MIPEP: variants seen among roughly 807,000 people sequenced by gnomAD.
MIPEP encodes mitochondrial intermediate peptidase.
In MIPEP, 79 loss-of-function variants were observed where a neutral mutation model predicts 90.3. The observed-to-expected ratio is 0.87, with a 90% CI of 0.73 to 1.05. MIPEP has a LOEUF of 1.05. Among genes scored for constraint, MIPEP ranks in the 50% least tolerant of loss-of-function variants. The probability of loss-of-function intolerance (pLI) is 0.00; values close to 1 mark genes in which losing one functional copy is unlikely to be tolerated. For synonymous variants in MIPEP, 334 were observed against 315.8 expected (o/e 1.06, Z -0.61); for missense variants, 940 against 905.6 (o/e 1.04, Z -0.49).
At chr13:23,875,614 G>T (rs926978965) in intron 4 of MIPEP, among the ~76,000 whole-genome samples, 1 of 146,198 alleles carries the variant, frequency 6.8e-6, no homozygotes. Context: ...CTACTCTTTT[G>T]GCTTTCCTTG....
At chr13:23,790,941 C>T (rs1028737037) in intron 16 of MIPEP, among the ~76,000 whole-genome samples, 2 of 152,152 alleles carry the variant, frequency 1.3e-5, no homozygotes, top group African/African-American at 2.4e-5. Context: ...CAATCTAGGC[C>T]TTGCCATTAC....
chr13:23,840,954 T>C (rs913438585), intron 11 of MIPEP, among the ~76,000 whole-genome samples: 2 of 151,976 alleles, frequency 1.3e-5, no homozygotes, highest in Non-Finnish European at 2.9e-5. Flanking sequence ...CAACATGGGA[T>C]GGGGGTTGGA....
intron 14 of MIPEP, among the ~76,000 whole-genome samples, chr13:23,827,612 CAAAGA>C (rs1401774720): frequency 6.6e-6 from 1 of 152,146 alleles, no homozygotes; most frequent in Non-Finnish European, 1.5e-5. Context: ...CAAATAATGA[CAAAGA>C]AAAATCATAA....
chr13:23,816,760 G>A (rs887694025), intron 14 of MIPEP, among the ~76,000 whole-genome samples: 4 of 152,112 alleles, frequency 2.6e-5, no homozygotes, highest in Non-Finnish European at 4.4e-5. Context: ...CCTACAACAC[G>A]GAGGAAGCCT....
At chr13:23,795,827 C>A (rs1304947100) in intron 16 of MIPEP, among the ~76,000 whole-genome samples, 97 of 133,508 alleles carry the variant, frequency 7.3e-4, no homozygotes, top group South Asian at 9.9e-4. Context: ...TCATCTCTAC[C>A]AAAAAAAAAA....
intron 16 of MIPEP, among the ~76,000 whole-genome samples, chr13:23,803,544 C>T (rs1209624945): frequency 6.6e-6 from 1 of 152,172 alleles, no homozygotes; most frequent in African/African-American, 2.4e-5. Flanking sequence ...TACAACACCA[C>T]TTTAAAAAAT....
rs79713394 is a variant in MIPEP, at chr13:23,754,296, A to G, written c.2044+2249T>C. 2.1e-3 allele frequency among the ~76,000 whole-genome samples: 315 copies of G among 152,326 alleles called. 2 individuals are homozygous for G. The highest frequency in any genetic ancestry group is 7.0e-3 in the African/African-American group (292 of 41,572). On this transcript the variant is annotated intron_variant, in intron 18 of 18. Coordinates refer to ENST00000382172, the MANE Select transcript of MIPEP (RefSeq NM_005932.4). ...GGTCTTAGCTTACAAATCCAGCCCT[A>G]TGAAGTGACAACTGGCATAACCCTC...
At chr13:23,769,332 T>C (rs1283821947) in intron 16 of MIPEP, among the ~76,000 whole-genome samples, 1 of 152,158 alleles carries the variant, frequency 6.6e-6, no homozygotes, top group Admixed American at 6.5e-5. Flanking sequence ...CTGTTTTTGT[T>C]TTCATGATAA....
At chr13:23,806,670 A>G (rs1435728491) in intron 15 of MIPEP, among the ~76,000 whole-genome samples, 2 of 146,196 alleles carry the variant, frequency 1.4e-5, no homozygotes, top group Non-Finnish European at 3.0e-5. Flanking sequence ...ACTCCGTCTC[A>G]AAAAAAAAAA....
At chr13:23,755,311 CA>C (rs1952480560) in intron 18 of MIPEP, among the ~76,000 whole-genome samples, 2 of 152,216 alleles carry the variant, frequency 1.3e-5, no homozygotes, top group Admixed American at 6.5e-5. Context: ...ATTAGCACTT[CA>C]CAAATATTTG....
At chr13:23,794,506 T>C (rs1368710516) in intron 16 of MIPEP, among the ~76,000 whole-genome samples, 1 of 151,952 alleles carries the variant, frequency 6.6e-6, no homozygotes, top group African/African-American at 2.4e-5. Context: ...CCTCAGAAAA[T>C]TACCAGAGAA....
chr13:23,762,430 G>A (rs1305942139), intron 16 of MIPEP, among the ~76,000 whole-genome samples: 4 of 152,158 alleles, frequency 2.6e-5, no homozygotes, highest in Non-Finnish European at 4.4e-5. Context: ...GGTTATGTCC[G>A]ATTCTCCAAG....
intron 7 of MIPEP, among the ~76,000 whole-genome samples, chr13:23,867,642 C>A (rs980900861): frequency 1.3e-5 from 2 of 152,012 alleles, no homozygotes; most frequent in African/African-American, 4.8e-5. Context: ...TTTCCCTGAC[C>A]GAGAATAATA....
rs1019844052 is a variant in MIPEP at position 23,749,381 on chromosome 13, G to A, written c.2044+7164C>T. 2.3e-4 allele frequency among the ~76,000 whole-genome samples: 35 copies of A among 152,120 alleles called. 1 individual carries two copies. The highest frequency in any genetic ancestry group is 7.7e-4 in the African/African-American group (32 of 41,410). On this transcript the variant is annotated intron_variant, in intron 18 of 18. Transcript: ENST00000382172. ...GTTATTTTAAAAAAAAGGCATCAAC[G>A]CTTATTATTTAAGCTGCTGTGTCAC... is the stretch of plus-strand genomic sequence containing the variant.
Position 23,869,327 on chromosome 13 carries a change from T to C in MIPEP, c.908A>G (p.His303Arg), listed in dbSNP as rs757181388. The change falls in exon 7 of 19, where the codon CAC becomes CGC. Residue 303 changes from histidine (H) to arginine (R), a missense_variant. His to Arg is a conservative substitution (Grantham distance 29, BLOSUM62 0). Transcript: ENST00000382172. ...AGCTATCGTTCCTTGGAGAGCCCTG[T>C]GAGAAAACGTGGAATACCCCACCAA... ...AKLVGYSTFS[H>R]RALQGTIAKN... The C allele has an allele frequency of 9.3e-6, 15 of 1,611,944 alleles. No individual in the cohort carries two copies. Among genetic ancestry groups the C allele is most frequent in the Admixed American group, 1.7e-5 (1 of 59,308 alleles).
intron 16 of MIPEP, among the ~76,000 whole-genome samples, chr13:23,766,305 G>A (rs1952590822): frequency 6.6e-6 from 1 of 152,206 alleles, no homozygotes; most frequent in Non-Finnish European, 1.5e-5. Context: ...TCAAGCCTTA[G>A]AGACTCTAAA....
chr13:23,875,398 T>C (rs1871026243), intron 4 of MIPEP, among the ~76,000 whole-genome samples: 1 of 152,166 alleles, frequency 6.6e-6, no homozygotes, highest in African/African-American at 2.4e-5. Context: ...GTTTTTCTTC[T>C]AGCCAGTAGC....
chr13:23,835,698 A>G (rs1869005829), intron 14 of MIPEP, among the ~76,000 whole-genome samples: 1 of 152,232 alleles, frequency 6.6e-6, no homozygotes, highest in African/African-American at 2.4e-5. Flanking sequence ...AGTGTAAGGT[A>G]CCTCACATTT....
rs1952524421 is a variant in MIPEP, at chr13:23,760,105, G to A, written c.1961C>T (p.Pro654Leu). ...MVWKECFLQD[P>L]FNRAAGERYR... ...GAACTTACCCCCTTACCTGTTGAAA[G>A]GATCCTGTAGAAAACACTCCTTCCA... is the stretch of plus-strand genomic sequence containing the variant. Residue 654 changes from proline to leucine, a missense_variant, in exon 17 of 19, where the codon CCT becomes CTT. Pro to Leu is a moderately conservative substitution (Grantham distance 98). Transcript: ENST00000382172. 2 of 1,614,008 alleles carry A rather than the reference G, an allele frequency of 1.2e-6. No homozygotes were observed. The highest frequency in any genetic ancestry group is 2.2e-5 in the South Asian group (2 of 91,086).
Sources: gnomAD v4.1 joint callset for allele counts (sites outside exome capture counted in the v4.1 genomes callset) on GRCh38, gnomAD v4.1.1 for gene constraint, MANE v1.5 for transcripts, NCBI Gene and HGNC (gene_info 2026-07-23, HGNC 2026-07-21) for gene names.